ERC1: variants seen among roughly 807,000 people sequenced by gnomAD.
ERC1 encodes the protein RAB6 interacting protein 2.
Under a neutral mutation model 132.0 loss-of-function variants are expected in ERC1, and 56 were observed. The observed-to-expected ratio is 0.42, with a 90% CI of 0.34 to 0.53. The LOEUF is 0.53. Ranked by LOEUF, ERC1 falls within the 20% of genes least tolerant of loss-of-function variation. ERC1 has a pLI of 0.03. For missense variants in ERC1, 1,202 were observed against 1,349.9 expected, an observed-to-expected ratio of 0.89 and a Z score of 1.72; for synonymous variants, 478 against 476.1, an observed-to-expected ratio of 1.00 and a Z score of -0.05.
chr12:1,408,177 A>G lies in ERC1; in HGVS notation c.2954A>G (p.Asp985Gly). The G allele has an allele frequency of 6.2e-7, 1 of 1,614,086 alleles. No homozygotes were observed. ...CAAAATCGAATGAAGCTAATGGCCG[A>G]CAACTACGAGGATGACCACTTCAAA... ...QTQNRMKLMADNYEDDHFKSS... is the reference protein window; with the variant it reads ...QTQNRMKLMAGNYEDDHFKSS... The change falls in exon 17 of 19, where the codon GAC becomes GGC. Residue 985 changes from aspartate (D) to glycine (G), a missense_variant. Transcript: ENST00000360905.
At chr12:1,133,052 T>A (rs1948918923) in intron 7 of ERC1, among the ~76,000 whole-genome samples, 1 of 151,912 alleles carries the variant, frequency 6.6e-6, no homozygotes, top group African/African-American at 2.4e-5. Context: ...GAGACGGGAT[T>A]TCACATTGTT....
chr12:1,447,104 T>C (rs2093323013), intron 18 of ERC1, among the ~76,000 whole-genome samples: 1 of 151,082 alleles, frequency 6.6e-6, no homozygotes, highest in African/African-American at 2.4e-5. Context: ...ATACTAAAAA[T>C]GTAATGGAAA....
chr12:1,425,065 T>G lies in ERC1; in HGVS notation c.3024+16818T>G, dbSNP rs149532742. 2.0e-3 allele frequency among the ~76,000 whole-genome samples: 307 copies of G among 152,272 alleles called. 8 individuals carry two copies. The East Asian group carries it at 0.052, about 26-fold the overall frequency. Reference sequence around the variant, plus strand: ...CTTATTGTTCAGTTGCCTGTTAATTTTTTGTGGGGAGTAGGGGTTGGAATA... The same window carrying G: ...CTTATTGTTCAGTTGCCTGTTAATTGTTTGTGGGGAGTAGGGGTTGGAATA... On this transcript the variant is annotated intron_variant, in intron 17 of 18. Transcript: ENST00000360905.
intron 14 of ERC1, among the ~76,000 whole-genome samples, chr12:1,283,801 G>A (rs527920428): frequency 6.6e-6 from 1 of 152,248 alleles, no homozygotes; most frequent in East Asian, 1.9e-4. Flanking sequence ...ATAGTTGTAC[G>A]TATTTATGGG....
In ERC1 at chr12:1,027,839, A is replaced by G; in HGVS notation, c.-65A>G. The G allele has an allele frequency of 6.9e-7, 1 of 1,451,108 alleles. No homozygotes were observed. The highest frequency in any genetic ancestry group is 2.1e-5 in the Admixed American group (1 of 48,102). 89.9% of individuals were successfully genotyped at this position (1,451,108 alleles called of 1,614,324 possible). A position where few individuals can be genotyped will look rare whatever the true frequency, so the allele number is the denominator to read the frequency against. On this transcript the variant is annotated 5_prime_UTR_variant, in exon 2 of 19. Transcript: ENST00000360905. ...ACTTGTAGCCATAGAGACACCTCAC[A>G]AGGTTCCCATTTTTGTTGTTGTTGT...
chr12:1,065,316 C>G (rs1938898459), intron 2 of ERC1, among the ~76,000 whole-genome samples: 1 of 152,074 alleles, frequency 6.6e-6, no homozygotes. Flanking sequence ...TGAGATTTTG[C>G]AAAAGACCTG....
intron 1 of ERC1, among the ~76,000 whole-genome samples, chr12:1,025,868 G>T (rs972820265): frequency 6.8e-6 from 1 of 146,214 alleles, no homozygotes; most frequent in Non-Finnish European, 1.5e-5. Context: ...GCGCGATCTC[G>T]GCTCACTGCA....
At chr12:1,434,676 A>G (rs1191918747) in intron 17 of ERC1, among the ~76,000 whole-genome samples, 1 of 152,224 alleles carries the variant, frequency 6.6e-6, no homozygotes, top group East Asian at 1.9e-4. Flanking sequence ...GAAACAGAGC[A>G]CGTGGGTCCT....
chr12:1,338,867 T>C (rs1354384431), intron 15 of ERC1, among the ~76,000 whole-genome samples: 1 of 152,180 alleles, frequency 6.6e-6, no homozygotes, highest in Non-Finnish European at 1.5e-5. Flanking sequence ...GGGGGACTTA[T>C]ATTGGGCAAT....
chr12:1,334,423 A>G (rs2083138117), intron 15 of ERC1, among the ~76,000 whole-genome samples: 1 of 152,212 alleles, frequency 6.6e-6, no homozygotes, highest in African/African-American at 2.4e-5. Context: ...GGTGTAAGGA[A>G]GGGATCCAGT....
chr12:1,303,464 G>A (rs1458657755), intron 15 of ERC1, among the ~76,000 whole-genome samples: 5 of 151,052 alleles, frequency 3.3e-5, no homozygotes, highest in African/African-American at 2.4e-5. Context: ...GTGAAACCCC[G>A]TCTCTACTAA....
intron 3 of ERC1, among the ~76,000 whole-genome samples, chr12:1,091,383 G>C (rs541489920): frequency 1.3e-5 from 2 of 151,912 alleles, no homozygotes; most frequent in African/African-American, 4.8e-5. Flanking sequence ...GAAGAAGCCA[G>C]CTTTGCCAAG....
intron 12 of ERC1, among the ~76,000 whole-genome samples, chr12:1,208,961 T>A (rs930515337): frequency 0.01 from 616 of 59,968 alleles, 2 homozygotes; most frequent in Non-Finnish European, 0.018. Flanking sequence ...CAGCTGATTT[T>A]TTTTTTTTTT....
intron 16 of ERC1, among the ~76,000 whole-genome samples, chr12:1,389,917 A>G (rs1205670030): frequency 6.6e-6 from 1 of 152,232 alleles, no homozygotes; most frequent in Non-Finnish European, 1.5e-5. Context: ...AAGAAACAAC[A>G]ACAAAAAAAC....
At position 991,315 on chromosome 12, in the gene ERC1, T is replaced by C. The variant is rs867360153; in HGVS notation, c.-164T>C. The C allele has an allele frequency of 3.3e-3, 471 of 143,846 alleles. 1 individual carries two copies. The highest frequency in any genetic ancestry group is 0.014 in the African/African-American group (447 of 32,276). The allele number at this position is 143,846 out of a possible 1,614,324, so 8.9% of individuals were successfully genotyped here. A position where few individuals can be genotyped will look rare whatever the true frequency, so the allele number is the denominator to read the frequency against. On this transcript the variant is annotated 5_prime_UTR_variant, in exon 1 of 19. Transcript: ENST00000360905. ...GCAGCAGCAGCAGTAGCGGCAGCCC[T>C]GAGGACGGTGAGACGGCCGCGGCGG...
intron 2 of ERC1, among the ~76,000 whole-genome samples, chr12:1,046,228 AG>A (rs1410493337): frequency 6.6e-6 from 1 of 152,206 alleles, no homozygotes; most frequent in Non-Finnish European, 1.5e-5. Flanking sequence ...AATAAGAGAC[AG>A]TTCTTTCAAG....
At position 1,408,166 on chromosome 12, in the gene ERC1, G is replaced by A; in HGVS notation, c.2943G>A (p.Lys981=). The part of the protein sequence containing the change: ...QLKQQTQNRM[K]LMADNYEDDH... ...CTTCCTAGACGCAAAATCGAATGAA[G>A]CTAATGGCCGACAACTACGAGGATG... The change falls in exon 17 of 19, where the codon AAG becomes AAA. Residue 981 remains lysine (K), a synonymous_variant. Transcript: ENST00000360905. 6.2e-7 allele frequency: 1 copy of A among 1,613,792 alleles called. No individual in the cohort carries two copies. The highest frequency in any genetic ancestry group is 8.5e-7 in the Non-Finnish European group (1 of 1,179,846).
At chr12:1,113,426 GTCT>G (rs1381130690) in intron 6 of ERC1, among the ~76,000 whole-genome samples, 6 of 152,210 alleles carry the variant, frequency 3.9e-5, no homozygotes, top group Non-Finnish European at 7.3e-5. Context: ...TATACAGGCA[GTCT>G]TCTTCCACAT....
intron 15 of ERC1, among the ~76,000 whole-genome samples, chr12:1,340,342 A>G (rs1375032940): frequency 6.6e-6 from 1 of 152,108 alleles, no homozygotes; most frequent in East Asian, 1.9e-4. Context: ...GAGCAAGTCA[A>G]GCCTAGGGAG....
Sources: allele counts gnomAD v4.1 joint callset (sites outside exome capture counted in the v4.1 genomes callset), GRCh38; gene constraint gnomAD v4.1.1; transcripts MANE v1.5; gene names NCBI Gene and HGNC (gene_info 2026-07-23, HGNC 2026-07-21).